HYCC2: variants seen among roughly 807,000 people sequenced by gnomAD.
HYCC2 encodes hyccin PI4KA lipid kinase complex subunit 2.
the HYCC2 span, among the ~76,000 whole-genome samples, chr2:201,039,830 A>G: frequency 6.6e-6 from 1 of 152,190 alleles, no homozygotes; most frequent in Non-Finnish European, 1.5e-5. Flanking sequence ...CAGACAAGTC[A>G]CACCTCAATT....
At chr2:201,005,890 T>C in the HYCC2 span, among the ~76,000 whole-genome samples, 1 of 152,222 alleles carries the variant, frequency 6.6e-6, no homozygotes, top group African/African-American at 2.4e-5. Flanking sequence ...TGGAGTGCAA[T>C]GGCACGATCT....
At chr2:201,006,306 T>C in the HYCC2 span, among the ~76,000 whole-genome samples, 5 of 150,710 alleles carry the variant, frequency 3.3e-5, no homozygotes, top group Non-Finnish European at 7.4e-5. Flanking sequence ...TTTTTTTTTT[T>C]TTTTTGTATT....
the HYCC2 span, among the ~76,000 whole-genome samples, chr2:201,026,829 A>AT: frequency 5.6e-4 from 85 of 152,350 alleles, 1 homozygote; most frequent in South Asian, 0.017. Flanking sequence ...GTAGAGGGAA[A>AT]TTTATAGCAC....
the HYCC2 span, among the ~76,000 whole-genome samples, chr2:201,060,512 G>A: frequency 6.6e-6 from 1 of 152,108 alleles, no homozygotes; most frequent in Non-Finnish European, 1.5e-5. Flanking sequence ...GATGGCTGGA[G>A]GTCCAGCAAC....
the HYCC2 span, among the ~76,000 whole-genome samples, chr2:200,991,405 T>C: frequency 6.6e-6 from 1 of 151,998 alleles, no homozygotes; most frequent in Non-Finnish European, 1.5e-5. Flanking sequence ...CCATCTCTAC[T>C]AAAAATATAA....
At chr2:201,060,089 T>C in the HYCC2 span, among the ~76,000 whole-genome samples, 1 of 145,504 alleles carries the variant, frequency 6.9e-6, no homozygotes, top group Admixed American at 6.9e-5. Flanking sequence ...AAACCACAAC[T>C]TTTCTGGGGC....
chr2:201,059,692 T>G, the HYCC2 span, among the ~76,000 whole-genome samples: 6 of 152,248 alleles, frequency 3.9e-5, no homozygotes, highest in African/African-American at 1.4e-4. Context: ...AGAATCATAG[T>G]CACAACAGCC....
chr2:200,981,552 C>T, the HYCC2 span: 3 of 1,614,202 alleles, frequency 1.9e-6, no homozygotes, highest in Non-Finnish European at 1.7e-6. The surrounding 1 kb of genome is among the most constrained non-coding windows in gnomAD (Gnocchi z 4.5). Context: ...TGATTTTTGG[C>T]ACCACCTGGC....
At chr2:201,023,960 T>C in the HYCC2 span, 1 of 1,611,652 alleles carries the variant, frequency 6.2e-7, no homozygotes, top group Non-Finnish European at 8.5e-7. Context: ...CCAATTTACC[T>C]TGAATTCTGA....
the HYCC2 span, among the ~76,000 whole-genome samples, chr2:200,999,226 G>C: frequency 5.3e-5 from 8 of 152,162 alleles, no homozygotes; most frequent in Non-Finnish European, 8.8e-5. Context: ...GAATGGCCTA[G>C]TGGGATCCTA....
chr2:201,034,971 G>A, the HYCC2 span, among the ~76,000 whole-genome samples: 45 of 152,232 alleles, frequency 3.0e-4, no homozygotes, highest in East Asian at 4.6e-3. Context: ...TGAGAGATCC[G>A]CTGTTAGTCT....
At chr2:201,071,087 G>A in the HYCC2 span, among the ~76,000 whole-genome samples, 1 of 152,186 alleles carries the variant, frequency 6.6e-6, no homozygotes. Flanking sequence ...GGACAACCTA[G>A]TTGTTTGGGT....
the HYCC2 span, chr2:201,063,645 T>A: frequency 6.3e-7 from 1 of 1,575,004 alleles, no homozygotes; most frequent in Non-Finnish European, 8.6e-7. Flanking sequence ...AAGCAAGAGA[T>A]GACTAGTGCT....
At chr2:201,015,055 G>A in the HYCC2 span, among the ~76,000 whole-genome samples, 32 of 151,892 alleles carry the variant, frequency 2.1e-4, no homozygotes, top group South Asian at 2.1e-4. Context: ...CCCACTCAAC[G>A]ACTCCAAGAT....
At chr2:200,999,468 C>T in the HYCC2 span, among the ~76,000 whole-genome samples, 1 of 151,826 alleles carries the variant, frequency 6.6e-6, no homozygotes, top group Non-Finnish European at 1.5e-5. Context: ...TCACTGCAAC[C>T]TCCGCCTCCC....
chr2:201,064,194 A>G, the HYCC2 span: 3 of 703,468 alleles, frequency 4.3e-6, no homozygotes, highest in African/African-American at 5.3e-5. Flanking sequence ...ACAAATACTC[A>G]TGTGTATGGG....
the HYCC2 span, chr2:201,008,893 ACT>A: frequency 2.2e-6 from 2 of 898,452 alleles, no homozygotes; most frequent in Non-Finnish European, 3.6e-6. Context: ...ACAGAGTGAG[ACT>A]CTGTCATTCA....
At chr2:201,048,392 A>C in the HYCC2 span, among the ~76,000 whole-genome samples, 1 of 152,170 alleles carries the variant, frequency 6.6e-6, no homozygotes. Flanking sequence ...ATTACAGTAT[A>C]TAGACCAAGC....
At chr2:201,042,105 T>C in the HYCC2 span, among the ~76,000 whole-genome samples, 1 of 152,186 alleles carries the variant, frequency 6.6e-6, no homozygotes, top group African/African-American at 2.4e-5. Context: ...TGCAGGCACA[T>C]GCCGCCACAC....
Sources: allele counts gnomAD v4.1 joint callset (sites outside exome capture counted in the v4.1 genomes callset), GRCh38; gene constraint gnomAD v4.1.1; non-coding constraint Gnocchi (gnomAD v3.1); transcripts MANE v1.5; gene names NCBI Gene and HGNC (gene_info 2026-07-23, HGNC 2026-07-21).